RIMBP2: variants seen among roughly 807,000 people sequenced by gnomAD.
The protein encoded by RIMBP2 is RIMS binding protein 2.
A neutral mutation model predicts 118.6 loss-of-function variants in RIMBP2; 48 were observed. That is an observed-to-expected ratio of 0.40 (90% CI 0.32 to 0.51). The LOEUF is 0.51. Among genes scored for constraint, RIMBP2 ranks in the 20% least tolerant of loss-of-function variants. The pLI, the probability that RIMBP2 is intolerant of heterozygous loss-of-function variation, is 0.41. For synonymous variants in RIMBP2, 762 were observed against 742.9 expected, an observed-to-expected ratio of 1.03 and a Z score of -0.42; for missense variants, 1,551 against 1,768.3, an observed-to-expected ratio of 0.88 and a Z score of 2.20.
Position 130,604,740 on chromosome 12 carries a change from G to A in RIMBP2, c.-217+23582C>T, listed in dbSNP as rs1484797363. On this transcript the variant is annotated intron_variant, in intron 2 of 22. Coordinates refer to ENST00000690449, the MANE Select transcript of RIMBP2 (RefSeq NM_001393629.1). ...CTGGGACTACAGGCACCACCACCAC[G>A]CCCGGCTAATTTTTGTATTTTTTAG... 7.2e-5 allele frequency among the ~76,000 whole-genome samples: 3 copies of A among 41,904 alleles called. 1 individual carries two copies. The highest frequency in any genetic ancestry group is 5.7e-4 in the Admixed American group (2 of 3,480). The allele number at this position is 41,904 out of a possible 152,430, so 27.5% of individuals were successfully genotyped here.
At chr12:130,708,971 C>G (rs942985291) in intron 1 of RIMBP2, among the ~76,000 whole-genome samples, 4 of 152,234 alleles carry the variant, frequency 2.6e-5, no homozygotes, top group Non-Finnish European at 5.9e-5. Context: ...CCCTCCATCT[C>G]TCAAAGACTA....
Position 130,422,611 on chromosome 12 carries a change from T to TG in RIMBP2, c.3130-51dup, listed in dbSNP as rs1948250200. On this transcript the variant is annotated intron_variant, in intron 16 of 22. Transcript: ENST00000690449. The surrounding 1 kb of genome is among the most constrained non-coding windows in gnomAD (Gnocchi z 5.2). ...CGTAAGTCTCGCCAGCATTGGGAAC[T>TG]GAAGAATTCAGTTAGCCAAATCAAG... 1 of 1,340,158 alleles carries TG rather than the reference T, an allele frequency of 7.5e-7. No homozygotes were observed. The highest frequency in any genetic ancestry group is 1.0e-6 in the Non-Finnish European group (1 of 956,384). 83.0% of individuals were successfully genotyped at this position (1,340,158 alleles called of 1,614,324 possible). A position where few individuals can be genotyped will look rare whatever the true frequency, so the allele number is the denominator to read the frequency against.
At chr12:130,499,578 A>G (rs1194981231) in intron 4 of RIMBP2, among the ~76,000 whole-genome samples, 1 of 152,096 alleles carries the variant, frequency 6.6e-6, no homozygotes, top group Admixed American at 6.6e-5. Context: ...CCCCGTGTTC[A>G]TTCTACTCCT....
intron 2 of RIMBP2, among the ~76,000 whole-genome samples, chr12:130,572,598 C>G (rs4594043): frequency 0.82 from 125,010 of 151,858 alleles, 54,240 homozygotes; most frequent in Non-Finnish European, 0.96. Flanking sequence ...GGATGTGACA[C>G]CGATTTCCAC....
intron 2 of RIMBP2, among the ~76,000 whole-genome samples, chr12:130,559,322 T>A (rs1043700736): frequency 6.6e-6 from 1 of 151,260 alleles, no homozygotes; most frequent in African/African-American, 2.4e-5. Flanking sequence ...CCCTACCCCA[T>A]GCCCTGGCCC....
rs1292492074 is a variant in RIMBP2 at position 130,670,224 on chromosome 12, C to T, written c.-351-41768G>A. 2.6e-5 allele frequency among the ~76,000 whole-genome samples: 4 copies of T among 151,864 alleles called. No individual in the cohort carries two copies. The highest frequency in any genetic ancestry group is 2.1e-4 in the South Asian group (1 of 4,798). On this transcript the variant is annotated intron_variant, in intron 1 of 22. Coordinates refer to ENST00000690449, the MANE Select transcript of RIMBP2 (RefSeq NM_001393629.1). The surrounding 1 kb of genome is among the most constrained non-coding windows in gnomAD (Gnocchi z 4.9). The stretch of plus-strand genomic sequence containing the variant: ...TGAGCTCTGGGAGGGAGCACAGCCC[C>T]GCCGACACCATGATCCCGGCCCCAG...
chr12:130,439,551 G>A lies in RIMBP2; in HGVS notation c.1505-1035C>T, dbSNP rs149824263. Among the ~76,000 whole-genome samples the A allele has an allele frequency of 7.6e-3, 1,092 of 142,966 alleles. 13 individuals carry two copies. Among genetic ancestry groups the A allele is most frequent in the African/African-American group, 0.027 (1,031 of 38,184 alleles). The allele number at this position is 142,966 out of a possible 152,430, so 93.8% of individuals were successfully genotyped here. On this transcript the variant is annotated intron_variant, in intron 11 of 22. Coordinates refer to ENST00000690449, the MANE Select transcript of RIMBP2 (RefSeq NM_001393629.1). Reference sequence around the variant, plus strand: ...TGTGTGGGTCTGTAGGGGTGTCGGTGGGGGTGTCCATGGGTGTATGTGGGT... The same window carrying A: ...TGTGTGGGTCTGTAGGGGTGTCGGTAGGGGTGTCCATGGGTGTATGTGGGT...
At chr12:130,611,832 G>A (rs779017484) in intron 2 of RIMBP2, among the ~76,000 whole-genome samples, 24 of 152,168 alleles carry the variant, frequency 1.6e-4, no homozygotes, top group African/African-American at 4.6e-4. Flanking sequence ...CCTGTTACAC[G>A]AAGGCTGTGG....
rs188416284 is a variant in RIMBP2, at chr12:130,710,069, C to G, written c.-352+6153G>C. Among the ~76,000 whole-genome samples the G allele has an allele frequency of 1.1e-4, 16 of 152,280 alleles. No homozygotes were observed. Among genetic ancestry groups the G allele is most frequent in the African/African-American group, 3.6e-4 (15 of 41,554 alleles). ...TCCCTGGGAGCTCACGGGTGGACAC[C>G]GAGGGTCTCCAGGAGAGGGGTTGGC... On this transcript the variant is annotated intron_variant, in intron 1 of 22. Transcript: ENST00000690449. The surrounding 1 kb of genome is among the most constrained non-coding windows in gnomAD (Gnocchi z 4.3).
chr12:130,688,305 T>A lies in RIMBP2; in HGVS notation c.-352+27917A>T, dbSNP rs962296377. Among the ~76,000 whole-genome samples the A allele has an allele frequency of 1.3e-5, 2 of 152,088 alleles. No homozygotes were observed. Among genetic ancestry groups the A allele is most frequent in the Non-Finnish European group, 2.9e-5 (2 of 68,018 alleles). ...TCCTGCTGTTTCTGAACTCCTCACC[T>A]CCAGCCTTTCTAGCCTCACTAGCCT... On this transcript the variant is annotated intron_variant, in intron 1 of 22. Coordinates refer to ENST00000690449, the MANE Select transcript of RIMBP2 (RefSeq NM_001393629.1). The surrounding 1 kb of genome is among the most constrained non-coding windows in gnomAD (Gnocchi z 4.7).
intron 1 of RIMBP2, among the ~76,000 whole-genome samples, chr12:130,673,203 T>C (rs10848180): frequency 0.66 from 100,052 of 152,136 alleles, 33,187 homozygotes; most frequent in Middle Eastern, 0.77. Flanking sequence ...CAGGAGCTGC[T>C]CAGGCAGAGG....
chr12:130,651,702 T>A (rs1375124909), intron 1 of RIMBP2, among the ~76,000 whole-genome samples: 2 of 152,178 alleles, frequency 1.3e-5, no homozygotes, highest in African/African-American at 4.8e-5. Context: ...TTTGTGAGAG[T>A]CTTAAGTTAA....
chr12:130,678,022 C>T (rs1331202265), intron 1 of RIMBP2, among the ~76,000 whole-genome samples: 13 of 152,244 alleles, frequency 8.5e-5, no homozygotes, highest in Non-Finnish European at 1.8e-4. Context: ...TCTTTCTCTA[C>T]CCTTCTTCTT....
intron 1 of RIMBP2, among the ~76,000 whole-genome samples, chr12:130,701,092 G>C (rs1240733797): frequency 1.3e-5 from 2 of 152,192 alleles, no homozygotes; most frequent in Admixed American, 1.3e-4. Flanking sequence ...CAAATACAAG[G>C]TTTCCGTGTG....
chr12:130,646,430 T>TCCCTCACCACCTCCCTCA (rs2062968540), intron 1 of RIMBP2, among the ~76,000 whole-genome samples: 1 of 5,984 alleles, frequency 1.7e-4, no homozygotes, highest in Non-Finnish European at 3.0e-4. Flanking sequence ...CACTTCCCTC[T>TCCCTCACCACCTCCCTCA]CCACCTCCCT....
At chr12:130,503,318 C>T (rs2049980836) in intron 4 of RIMBP2, among the ~76,000 whole-genome samples, 1 of 151,994 alleles carries the variant, frequency 6.6e-6, no homozygotes, top group South Asian at 2.1e-4. Flanking sequence ...ATCTCTTGAA[C>T]CCGGGAAGTG....
At chr12:130,453,890 C>A (rs2137440457) in intron 7 of RIMBP2, among the ~76,000 whole-genome samples, 1 of 152,236 alleles carries the variant, frequency 6.6e-6, no homozygotes. Context: ...CCCATCTCTA[C>A]TAAAAATACA....
intron 21 of RIMBP2, among the ~76,000 whole-genome samples, chr12:130,405,265 C>T (rs1025589607): frequency 2.0e-5 from 3 of 152,142 alleles, no homozygotes; most frequent in Admixed American, 2.0e-4. Flanking sequence ...ACACATGTGA[C>T]AAAGTATGAA....
chr12:130,635,156 T>G (rs2062274590), intron 1 of RIMBP2, among the ~76,000 whole-genome samples: 1 of 152,136 alleles, frequency 6.6e-6, no homozygotes, highest in South Asian at 2.1e-4. Context: ...TTTGTTCCAG[T>G]CTCAGGAAGC....
Sources: gnomAD v4.1 joint callset for allele counts (sites outside exome capture counted in the v4.1 genomes callset) on GRCh38, gnomAD v4.1.1 for gene constraint, Gnocchi (gnomAD v3.1) non-coding constraint, MANE v1.5 for transcripts, NCBI Gene and HGNC (gene_info 2026-07-23, HGNC 2026-07-21) for gene names.